The following DMD variants were observed in gnomAD, a reference collection of about 807,000 sequenced individuals.
DMD encodes the protein mutant dystrophin.
DMD carries 63 observed loss-of-function variants against 330.1 expected under a neutral mutation model. That is an observed-to-expected ratio of 0.19 (90% CI 0.16 to 0.24). DMD has a LOEUF of 0.24. Among genes scored for constraint, DMD ranks in the 10% least tolerant of loss-of-function variants. The pLI, the probability that DMD is intolerant of heterozygous loss-of-function variation, is 1.00. For missense variants in DMD, 3,344 were observed against 2,684.1 expected, an observed-to-expected ratio of 1.25 and a Z score of -5.43; for synonymous variants, 1,223 against 959.8, an observed-to-expected ratio of 1.27 and a Z score of -5.07.
At chrX:32,035,063 T>C (rs750790565) in intron 44 of DMD, among the ~76,000 whole-genome samples, 1 of 111,856 alleles carries the variant, frequency 8.9e-6, no homozygotes, top group Non-Finnish European at 1.9e-5. Context: ...CAAATTAATG[T>C]GATATTGTCC....
At chrX:33,180,115 C>T (rs1318807624) in intron 1 of DMD, among the ~76,000 whole-genome samples, 1 of 111,785 alleles carries the variant, frequency 8.9e-6, no homozygotes, top group African/African-American at 3.2e-5. Context: ...GGATTACAGG[C>T]GTGAGCCACT....
intron 11 of DMD, among the ~76,000 whole-genome samples, chrX:32,639,192 G>A (rs980437902): frequency 2.7e-5 from 3 of 111,904 alleles, no homozygotes; most frequent in African/African-American, 9.7e-5. Context: ...TTATAAAAAT[G>A]TCAGTAAATC....
chrX:31,635,923 A>G (rs2079386497), intron 54 of DMD, among the ~76,000 whole-genome samples: 1 of 112,096 alleles, frequency 8.9e-6, no homozygotes, highest in African/African-American at 3.2e-5. Context: ...ACCAGTCAGA[A>G]TGGCTATCAC....
Position 32,686,578 on chromosome X carries a change from A to AAAAAG in DMD, c.960+11287_960+11291dup, listed in dbSNP as rs1209272291. ...CCATCTCAAAAAAAAAAAAAAAAAA[A>AAAAAG]AAAAGAAAAGAAAAGAAAAGAAAGA... On this transcript the variant is annotated intron_variant, in intron 9 of 78. Coordinates refer to ENST00000357033, the MANE Select transcript of DMD (RefSeq NM_004006.3). Among the ~76,000 whole-genome samples the AAAAAG allele has an allele frequency of 1.5e-3, 162 of 105,578 alleles. 2 individuals are homozygous for AAAAAG. Among genetic ancestry groups the AAAAAG allele is most frequent in the Non-Finnish European group, 1.8e-3 (94 of 51,621 alleles). 91.7% of individuals were successfully genotyped at this position (105,578 alleles called of 115,157 possible). A position where few individuals can be genotyped will look rare whatever the true frequency, so the allele number is the denominator to read the frequency against.
At chrX:32,776,989 A>C (rs1191775346) in intron 7 of DMD, among the ~76,000 whole-genome samples, 1 of 110,844 alleles carries the variant, frequency 9.0e-6, no homozygotes, top group East Asian at 2.9e-4. Flanking sequence ...AAATGAATGA[A>C]GCTAAATGGG....
chrX:31,912,157 C>T (rs1001304807), intron 47 of DMD, among the ~76,000 whole-genome samples: 5 of 111,014 alleles, frequency 4.5e-5, no homozygotes, highest in African/African-American at 1.6e-4. Flanking sequence ...TCCTGCTGGC[C>T]TGACCCACTA....
intron 1 of DMD, among the ~76,000 whole-genome samples, chrX:33,301,444 A>C (rs1389304197): frequency 8.9e-6 from 1 of 112,076 alleles, no homozygotes; most frequent in Non-Finnish European, 1.9e-5. Flanking sequence ...ACTTTTTAAA[A>C]TTGTGAACAC....
At chrX:31,590,025 C>A (rs1404281650) in intron 55 of DMD, among the ~76,000 whole-genome samples, 1 of 110,744 alleles carries the variant, frequency 9.0e-6, no homozygotes, top group Non-Finnish European at 1.9e-5. Context: ...GGGAAGTAAA[C>A]AATAAGGGAA....
chrX:33,147,434 G>A (rs2048088324), intron 1 of DMD, among the ~76,000 whole-genome samples: 1 of 112,041 alleles, frequency 8.9e-6, no homozygotes, highest in Admixed American at 9.5e-5. Context: ...ACATTCCCCT[G>A]CTCAATAGCC....
At chrX:31,309,934 T>C (rs1018663274) in intron 62 of DMD, among the ~76,000 whole-genome samples, 1 of 111,411 alleles carries the variant, frequency 9.0e-6, no homozygotes, top group Non-Finnish European at 1.9e-5. Context: ...CCAGGTTTAT[T>C]TACAATAAGC....
chrX:32,543,607 A>G (rs1219848977), intron 17 of DMD, among the ~76,000 whole-genome samples: 1 of 112,341 alleles, frequency 8.9e-6, no homozygotes, highest in Non-Finnish European at 1.9e-5. Flanking sequence ...GTTAATGTAC[A>G]TCTTACTAGG....
chrX:33,222,212 T>C (rs775871445), intron 1 of DMD, among the ~76,000 whole-genome samples: 47 of 112,249 alleles, frequency 4.2e-4, no homozygotes, highest in African/African-American at 1.4e-3. Flanking sequence ...ACTTGGGGTT[T>C]ATTTCCAGGA....
At chrX:32,210,701 C>A (rs2147812514) in intron 44 of DMD, among the ~76,000 whole-genome samples, 1 of 111,651 alleles carries the variant, frequency 9.0e-6, no homozygotes, top group South Asian at 3.8e-4. Context: ...TACGAAAACT[C>A]ATTCTCTGTA....
intron 44 of DMD, among the ~76,000 whole-genome samples, chrX:32,136,515 T>C (rs1416382022): frequency 9.1e-6 from 1 of 110,472 alleles, no homozygotes; most frequent in Non-Finnish European, 1.9e-5. Context: ...AGCAAATCAA[T>C]GCAGATTACA....
intron 61 of DMD, among the ~76,000 whole-genome samples, chrX:31,327,568 C>T (rs2056861800): frequency 8.9e-6 from 1 of 111,942 alleles, no homozygotes; most frequent in Non-Finnish European, 1.9e-5. Context: ...AATTCCAACA[C>T]AAATACCTTC....
chrX:32,787,261 A>AGT (rs2075458123), intron 7 of DMD, among the ~76,000 whole-genome samples: 1 of 107,227 alleles, frequency 9.3e-6, no homozygotes, highest in East Asian at 2.9e-4. Flanking sequence ...AGAGAGAGAG[A>AGT]GAGAGAGAGA....
At chrX:33,332,150 T>A (rs751663159) in intron 1 of DMD, among the ~76,000 whole-genome samples, 3 of 111,687 alleles carry the variant, frequency 2.7e-5, no homozygotes, top group Non-Finnish European at 3.8e-5. Flanking sequence ...TACATTTTAC[T>A]AATATCTATA....
At chrX:32,558,073 T>C (rs1401375795) in intron 16 of DMD, among the ~76,000 whole-genome samples, 1 of 110,606 alleles carries the variant, frequency 9.0e-6, no homozygotes, top group African/African-American at 3.3e-5. Flanking sequence ...AGTCATTTGT[T>C]TCTTCGAAAT....
chrX:33,250,581 T>C (rs1027563009), intron 1 of DMD, among the ~76,000 whole-genome samples: 1 of 111,159 alleles, frequency 9.0e-6, no homozygotes, highest in African/African-American at 3.3e-5. Flanking sequence ...TATACATATA[T>C]ACAAACACAT....
Sources: allele counts gnomAD v4.1 joint callset (sites outside exome capture counted in the v4.1 genomes callset), GRCh38; gene constraint gnomAD v4.1.1; transcripts MANE v1.5; gene names NCBI Gene and HGNC (gene_info 2026-07-23, HGNC 2026-07-21).